The following RCAN2 variants were observed in gnomAD, a reference collection of about 807,000 sequenced individuals.
RCAN2 encodes regulator of calcineurin 2.
RCAN2 carries 9 observed loss-of-function variants against 23.6 expected under a neutral mutation model. The observed-to-expected ratio is 0.38, with a 90% CI of 0.23 to 0.67. The LOEUF is 0.67. RCAN2 is among the 30% of genes least tolerant of loss of function. The probability of loss-of-function intolerance (pLI) is 0.51; values close to 1 mark genes in which losing one functional copy is unlikely to be tolerated. For missense variants in RCAN2, 273 were observed against 302.3 expected, an observed-to-expected ratio of 0.90 and a Z score of 0.72; for synonymous variants, 109 against 115.7, an observed-to-expected ratio of 0.94 and a Z score of 0.37.
intron 2 of RCAN2, among the ~76,000 whole-genome samples, chr6:46,430,326 G>C (rs1767158886): frequency 6.6e-6 from 1 of 152,184 alleles, no homozygotes; most frequent in African/African-American, 2.4e-5. Context: ...GAGCTTCTGA[G>C]TGGAAAAACT....
intron 2 of RCAN2, among the ~76,000 whole-genome samples, chr6:46,336,537 T>C (rs145077655): frequency 6.6e-6 from 1 of 152,280 alleles, no homozygotes; most frequent in East Asian, 1.9e-4. Flanking sequence ...TAGGGATGTG[T>C]TTAAAGACCA....
chr6:46,242,478 CA>C (rs1582021412), intron 4 of RCAN2, among the ~76,000 whole-genome samples: 1 of 152,182 alleles, frequency 6.6e-6, no homozygotes, highest in East Asian at 1.9e-4. Flanking sequence ...GACTTTTTCC[CA>C]GCAGCTTTAA....
intron 2 of RCAN2, among the ~76,000 whole-genome samples, chr6:46,420,570 T>A (rs1198311700): frequency 2.7e-5 from 4 of 148,730 alleles, no homozygotes; most frequent in African/African-American, 9.9e-5. Flanking sequence ...TTTGAGATGG[T>A]GTCTCACTCT....
chr6:46,418,730 T>C (rs916661975), intron 2 of RCAN2, among the ~76,000 whole-genome samples: 20 of 127,854 alleles, frequency 1.6e-4, no homozygotes, highest in East Asian at 7.3e-4. Context: ...TATATATATA[T>C]ACAGTTGCAG....
chr6:46,376,430 C>G (rs976670107), intron 2 of RCAN2, among the ~76,000 whole-genome samples: 1 of 152,194 alleles, frequency 6.6e-6, no homozygotes, highest in Admixed American at 6.5e-5. Context: ...GCCTGTAATC[C>G]CAGCACTTTG....
At chr6:46,432,881 C>A (rs777824217) in intron 2 of RCAN2, among the ~76,000 whole-genome samples, 5 of 152,092 alleles carry the variant, frequency 3.3e-5, no homozygotes, top group Non-Finnish European at 5.9e-5. Flanking sequence ...TTGTAATAGT[C>A]AAGACACATA....
rs576447026 is a variant in RCAN2, at chr6:46,426,860, A to T, written c.225+29892T>A. Among the ~76,000 whole-genome samples, 6 of 152,350 alleles carry T rather than the reference A, an allele frequency of 3.9e-5. No homozygotes were observed. The South Asian group carries it at 1.0e-3, about 26-fold the overall frequency. ...CAAGGTCACACAGCTAGCAAGTGGT[A>T]GAGATGAGATTTGAACTCTGGCAGA... On this transcript the variant is annotated intron_variant, in intron 2 of 4. Transcript: ENST00000371374.
chr6:46,436,792 G>T (rs1767380100), intron 2 of RCAN2, among the ~76,000 whole-genome samples: 1 of 152,108 alleles, frequency 6.6e-6, no homozygotes, highest in Admixed American at 6.6e-5. Flanking sequence ...AGATGCTAAG[G>T]CCCTCTCTCT....
chr6:46,418,770 A>G (rs935670712), intron 2 of RCAN2, among the ~76,000 whole-genome samples: 1 of 148,364 alleles, frequency 6.7e-6, no homozygotes, highest in African/African-American at 2.5e-5. Flanking sequence ...AATAATAAAT[A>G]CTCAAAATTC....
intron 2 of RCAN2, among the ~76,000 whole-genome samples, chr6:46,367,022 GATATATATATATATATATAT>G (rs60245042): frequency 1.0e-4 from 6 of 59,676 alleles, no homozygotes; most frequent in Non-Finnish European, 2.3e-4. Context: ...ATCTGGGATG[GATATATATATATATATATAT>G]ATATATATAT....
At chr6:46,361,474 A>T (rs187258031) in intron 2 of RCAN2, among the ~76,000 whole-genome samples, 39 of 152,310 alleles carry the variant, frequency 2.6e-4, no homozygotes, top group African/African-American at 9.1e-4. Flanking sequence ...ATTATCTAAA[A>T]CAACAGATTG....
chr6:46,338,195 CA>C (rs1261264401), intron 2 of RCAN2, among the ~76,000 whole-genome samples: 1 of 152,180 alleles, frequency 6.6e-6, no homozygotes, highest in Admixed American at 6.5e-5. Flanking sequence ...TCTTGAGAAA[CA>C]GCTTCAGAAA....
intron 2 of RCAN2, among the ~76,000 whole-genome samples, chr6:46,412,961 A>T (rs147585925): frequency 6.6e-6 from 1 of 152,258 alleles, no homozygotes; most frequent in Admixed American, 6.5e-5. Flanking sequence ...AGAATAAATT[A>T]TAAAACAATC....
chr6:46,320,517 A>C (rs552689565), intron 2 of RCAN2, among the ~76,000 whole-genome samples: 16 of 152,220 alleles, frequency 1.1e-4, no homozygotes, highest in African/African-American at 2.9e-4. Flanking sequence ...AAACAAATAG[A>C]CTCTGACTCA....
intron 2 of RCAN2, among the ~76,000 whole-genome samples, chr6:46,320,369 C>T (rs1460385115): frequency 1.3e-5 from 2 of 152,166 alleles, no homozygotes; most frequent in African/African-American, 4.8e-5. Flanking sequence ...CCAACTCAGC[C>T]TCATCCTTCT....
chr6:46,279,350 T>C (rs1324260959), intron 2 of RCAN2, among the ~76,000 whole-genome samples: 1 of 152,166 alleles, frequency 6.6e-6, no homozygotes, highest in Non-Finnish European at 1.5e-5. Context: ...ACTAGCAGAA[T>C]AGTCTTGCTC....
At chr6:46,376,715 CAAA>C (rs35329945) in intron 2 of RCAN2, among the ~76,000 whole-genome samples, 2 of 149,932 alleles carry the variant, frequency 1.3e-5, no homozygotes, top group African/African-American at 2.5e-5. Flanking sequence ...AACAAACAAA[CAAA>C]AAAAAAAAAC....
intron 2 of RCAN2, among the ~76,000 whole-genome samples, chr6:46,398,469 G>C (rs2150401659): frequency 6.6e-6 from 1 of 152,218 alleles, no homozygotes; most frequent in South Asian, 2.1e-4. Context: ...TTTTCATTAA[G>C]ATGCTAACCT....
chr6:46,436,764 T>C (rs1767378740), intron 2 of RCAN2, among the ~76,000 whole-genome samples: 2 of 152,160 alleles, frequency 1.3e-5, no homozygotes, highest in African/African-American at 4.8e-5. Flanking sequence ...TGGAATTTGG[T>C]TTTGGACTTA....
Sources: gnomAD v4.1 joint callset for allele counts (sites outside exome capture counted in the v4.1 genomes callset) on GRCh38, gnomAD v4.1.1 for gene constraint, MANE v1.5 for transcripts, NCBI Gene and HGNC (gene_info 2026-07-23, HGNC 2026-07-21) for gene names.